C3orf49: variants seen among roughly 807,000 people sequenced by gnomAD.
C3orf49 encodes chromosome 3 open reading frame 49.
A neutral mutation model predicts 13.3 loss-of-function variants in C3orf49; 27 were observed. The observed-to-expected ratio is 2.02, with a 90% CI of 1.49 to 2.79. The LOEUF (loss-of-function observed/expected upper bound fraction) is 2.79. Ranked by LOEUF, C3orf49 falls within the 30% of genes most tolerant of loss-of-function variation. The probability of loss-of-function intolerance (pLI) is 0.00; values close to 1 mark genes in which losing one functional copy is unlikely to be tolerated. For synonymous variants in C3orf49, 87 were observed against 47.6 expected, an observed-to-expected ratio of 1.83 and a Z score of -3.40; for missense variants, 242 against 134.2, an observed-to-expected ratio of 1.80 and a Z score of -3.97.
chr3:63,807,816 C>G, the C3orf49 span, among the ~76,000 whole-genome samples: 7 of 125,864 alleles, frequency 5.6e-5, no homozygotes, highest in Non-Finnish European at 1.1e-4. Context: ...CAGCTCGCCC[C>G]ATTGCATTCC....
At chr3:63,786,458 A>G in the C3orf49 span, among the ~76,000 whole-genome samples, 2 of 152,204 alleles carry the variant, frequency 1.3e-5, no homozygotes, top group African/African-American at 4.8e-5. Context: ...ATTTAGAGAA[A>G]CATGCTGACT....
chr3:63,845,041 G>A lies in C3orf49; in HGVS notation c.868G>A (p.Gly290Arg). ...TTGACAGATGACCACAAAAGGACCT[G>A]GAGACAGCTGACCTGAGACTCCTTG... Reference protein sequence around the residue: ...KLKNMTTKGPGDS With the variant: ...KLKNMTTKGPRDS The change falls in exon 6 of 7, where the codon GGA (glycine) becomes AGA (arginine). Residue 290 changes from glycine (G) to arginine (R), a missense_variant. Transcript: ENST00000295896. 1 of 699,896 alleles carries A rather than the reference G, an allele frequency of 1.4e-6. No homozygotes were observed. Among genetic ancestry groups the A allele is most frequent in the African/African-American group, 1.7e-5 (1 of 57,240 alleles). The allele number at this position is 699,896 out of a possible 1,614,324, so 43.4% of individuals were successfully genotyped here. A position where few individuals can be genotyped will look rare whatever the true frequency, so the allele number is the denominator to read the frequency against.
At chr3:63,819,184 T>TA (rs201424958), upstream of C3orf49, among the ~76,000 whole-genome samples, 6 of 151,350 alleles carry the variant, frequency 4.0e-5, no homozygotes, top group East Asian at 1.2e-3. Context: ...ATTTGCCTTG[T>TA]TCAAGAATCT....
intron 5 of C3orf49, chr3:63,834,234 A>C (rs747249676): frequency 1.9e-6 from 3 of 1,604,524 alleles, no homozygotes; most frequent in Non-Finnish European, 2.6e-6. Flanking sequence ...ACCTTAGTCA[A>C]GTTTGCCTAT....
At position 63,823,332 on chromosome 3, in the gene C3orf49, G is replaced by T. The variant is rs1405567528; in HGVS notation, c.208G>T (p.Gly70Ter). 1.4e-6 allele frequency: 1 copy of T among 702,934 alleles called. No individual in the cohort carries two copies. Among genetic ancestry groups the T allele is most frequent in the Non-Finnish European group, 2.6e-6 (1 of 385,026 alleles). 43.5% of individuals were successfully genotyped at this position (702,934 alleles called of 1,614,324 possible). ...GGAATCATCCAGTGATAGTGACATGGGATTTCATGAAAGCCAGCAAAATCA... is the reference window on the plus strand; with the variant it reads ...GGAATCATCCAGTGATAGTGACATGTGATTTCATGAAAGCCAGCAAAATCA... ...KEESSSDSDMGFHESQQNQKS... is the reference protein window; with the variant it reads ...KEESSSDSDM The change falls in exon 2 of 7, where the codon GGA becomes TGA. Residue 70 changes from glycine (G) to a stop codon, truncating the protein, a stop_gained. Coordinates refer to ENST00000295896, the MANE Select transcript of C3orf49 (RefSeq NM_001355236.2). LOFTEE classifies it high-confidence loss of function.
upstream of C3orf49, among the ~76,000 whole-genome samples, chr3:63,816,206 T>C (rs146993880): frequency 5.3e-3 from 813 of 152,140 alleles, 22 homozygotes; most frequent in Admixed American, 0.047. Context: ...GGTTAACATA[T>C]TGGTGTCTGT....
At chr3:63,822,799 C>G (rs936130311) in intron 1 of C3orf49, among the ~76,000 whole-genome samples, 7 of 152,144 alleles carry the variant, frequency 4.6e-5, no homozygotes, top group Non-Finnish European at 8.8e-5. Context: ...CCCTAGCAGA[C>G]TCTCTCATCT....
At chr3:63,781,347 A>G in the C3orf49 span, among the ~76,000 whole-genome samples, 1 of 151,870 alleles carries the variant, frequency 6.6e-6, no homozygotes, top group African/African-American at 2.4e-5. Context: ...CCATTGATCT[A>G]TATCTCTGTT....
intron 5 of C3orf49, chr3:63,839,629 A>C (rs1377180279): frequency 6.3e-7 from 1 of 1,583,882 alleles, no homozygotes; most frequent in Non-Finnish European, 8.7e-7. Flanking sequence ...GGACACTGGT[A>C]TGGAAACAAC....
the C3orf49 span, among the ~76,000 whole-genome samples, chr3:63,799,681 A>T: frequency 6.6e-6 from 1 of 152,188 alleles, no homozygotes. Flanking sequence ...ATCAAATATT[A>T]TGTTTAATTA....
chr3:63,799,728 G>T, the C3orf49 span, among the ~76,000 whole-genome samples: 1 of 152,020 alleles, frequency 6.6e-6, no homozygotes, highest in Admixed American at 6.6e-5. Flanking sequence ...GAAAAAGCAG[G>T]TGTCATTTTC....
the C3orf49 span, chr3:63,785,841 T>C: frequency 2.0e-5 from 3 of 151,856 alleles, no homozygotes; most frequent in Non-Finnish European, 2.9e-5. Context: ...AATGATTTCA[T>C]TAAAAAAAAG....
the C3orf49 span, among the ~76,000 whole-genome samples, chr3:63,811,899 G>GA: frequency 6.7e-6 from 1 of 149,844 alleles, no homozygotes; most frequent in South Asian, 2.1e-4. Flanking sequence ...AGAACCAATA[G>GA]AAAAAATATA....
upstream of C3orf49, among the ~76,000 whole-genome samples, chr3:63,819,096 TTTGTTGTTG>T (rs142440061): frequency 1.3e-5 from 2 of 152,066 alleles, no homozygotes; most frequent in African/African-American, 2.4e-5. Flanking sequence ...GTGGGTGTTT[TTTGTTGTTG>T]TTGTTGTTGT....
the C3orf49 span, among the ~76,000 whole-genome samples, chr3:63,798,679 G>A: frequency 6.6e-6 from 1 of 152,084 alleles, no homozygotes; most frequent in African/African-American, 2.4e-5. Flanking sequence ...CCAGTCATGA[G>A]TACATGAATA....
intron 6 of C3orf49, among the ~76,000 whole-genome samples, chr3:63,846,963 G>A (rs974721994): frequency 6.6e-6 from 1 of 152,022 alleles, no homozygotes; most frequent in African/African-American, 2.4e-5. Context: ...ATGACATTTG[G>A]GCCTGTCCTA....
chr3:63,798,646 C>G, the C3orf49 span, among the ~76,000 whole-genome samples: 1 of 152,074 alleles, frequency 6.6e-6, no homozygotes, highest in East Asian at 1.9e-4. Context: ...AATATAAAGA[C>G]TGAAACAAAT....
chr3:63,821,423 AC>A (rs1701392551), intron 1 of C3orf49, among the ~76,000 whole-genome samples: 1 of 152,174 alleles, frequency 6.6e-6, no homozygotes, highest in South Asian at 2.1e-4. Flanking sequence ...ATTTAATACA[AC>A]GTAATAGCAT....
rs532033205 is a variant in C3orf49, at chr3:63,838,447, T to C, written c.850-6576T>C. On this transcript the variant is annotated intron_variant, in intron 5 of 6. Coordinates refer to ENST00000295896, the MANE Select transcript of C3orf49 (RefSeq NM_001355236.2). Reference sequence around the variant, plus strand: ...TCATATACTAGTAAAGTTTTGCCCATTGAAAATTCACATTGAGACAGCGTG... The same window carrying C: ...TCATATACTAGTAAAGTTTTGCCCACTGAAAATTCACATTGAGACAGCGTG... 1.4e-5 allele frequency: 23 copies of C among 1,610,576 alleles called. No individual in the cohort carries two copies. The highest frequency in any genetic ancestry group is 4.4e-5 in the South Asian group (4 of 90,338).
Sources: allele counts gnomAD v4.1 joint callset (sites outside exome capture counted in the v4.1 genomes callset), GRCh38; gene constraint gnomAD v4.1.1; transcripts MANE v1.5; gene names NCBI Gene and HGNC (gene_info 2026-07-23, HGNC 2026-07-21).